PPT2: variants seen among roughly 807,000 people sequenced by gnomAD.
The protein encoded by PPT2 is palmitoyl-protein thioesterase 2, also known as lysosomal thioesterase PPT2.
A neutral mutation model predicts 37.3 loss-of-function variants in PPT2; 20 were observed. The ratio of observed to expected loss-of-function variants is 0.54; its 90% CI spans 0.38 to 0.78. The LOEUF (loss-of-function observed/expected upper bound fraction) is 0.78, where lower values mean the gene tolerates loss of function less well. Among genes scored for constraint, PPT2 ranks in the 30% least tolerant of loss-of-function variants. The probability of loss-of-function intolerance (pLI) is 0.00; values close to 1 mark genes in which losing one functional copy is unlikely to be tolerated. For synonymous variants in PPT2, 135 were observed against 159.1 expected, an observed-to-expected ratio of 0.85 and a Z score of 1.14; for missense variants, 270 against 389.8, an observed-to-expected ratio of 0.69 and a Z score of 2.59.
At chr6:32,158,057 C>A in intron 7 of PPT2, 133 bp downstream of exon 7, 1 of 775,436 alleles carries the variant, frequency 1.3e-6, no homozygotes, top group Non-Finnish European at 2.0e-6. Context: ...CATCATGTCA[C>A]CCAAGACCAA....
intron 7 of PPT2, among the ~76,000 whole-genome samples, chr6:32,159,527 T>A (rs1011555475): frequency 5.3e-5 from 8 of 149,930 alleles, no homozygotes; most frequent in Admixed American, 3.3e-4. Context: ...TTTTTTTTTT[T>A]AAATTCTGAG....
chr6:32,162,614 G>C lies in PPT2; in HGVS notation c.757G>C (p.Glu253Gln). 6.2e-7 allele frequency: 1 copy of C among 1,609,032 alleles called. No homozygotes were observed. The highest frequency in any genetic ancestry group is 1.3e-5 in the African/African-American group (1 of 74,896). Residue 253 changes from glutamate (E) to glutamine (Q), a missense_variant, in exon 8 of 9, where the codon GAG becomes CAG. Glu to Gln is a conservative substitution (Grantham distance 29). Coordinates refer to ENST00000324816, the MANE Select transcript of PPT2 (RefSeq NM_005155.7). This position sits in a 1 kb window ranked among gnomAD's most constrained non-coding sequence, Gnocchi z 5.5. Reference protein sequence around the residue: ...DANETVLEMEEQLVYLRDSFG... With the variant: ...DANETVLEMEQQLVYLRDSFG... Reference sequence around the variant, plus strand: ...AAATGAGACCGTCCTGGAGATGGAGGAGCAACTGGTGAGCCCCCTGGGATT... The same window carrying C: ...AAATGAGACCGTCCTGGAGATGGAGCAGCAACTGGTGAGCCCCCTGGGATT...
At position 32,154,751 on chromosome 6, in the gene PPT2, C is replaced by T; in HGVS notation, c.157C>T (p.Arg53Cys). 6.2e-7 allele frequency: 1 copy of T among 1,612,950 alleles called. No individual in the cohort carries two copies. Among genetic ancestry groups the T allele is most frequent in the Non-Finnish European group, 8.5e-7 (1 of 1,179,816 alleles). ...HGLFDSSYSF[R>C]HLLEYINETH... ...GCTCTTCGACAGCTCGTACAGCTTC[C>T]GCCACCTGCTGGAATACATCAATGA... Residue 53 changes from arginine (R) to cysteine (C), a missense_variant, in exon 2 of 9, where the codon CGC becomes TGC. Arg to Cys is a radical substitution (Grantham distance 180, BLOSUM62 -3). Coordinates refer to ENST00000324816, the MANE Select transcript of PPT2 (RefSeq NM_005155.7). This position sits in a 1 kb window ranked among gnomAD's most constrained non-coding sequence, Gnocchi z 7.3.
rs771831807 is a variant in PPT2, at chr6:32,155,667, A to G, written c.338-21A>G. ...CTTTGCTGTCCTTAAGTGCCTGCCC[A>G]ATGTGGTGTTCTGCTTACAGGGGGC... On this transcript the variant is annotated intron_variant, in intron 3 of 8. Coordinates refer to ENST00000324816, the MANE Select transcript of PPT2 (RefSeq NM_005155.7). This position sits in a 1 kb window ranked among gnomAD's most constrained non-coding sequence, Gnocchi z 4.3. 6.2e-7 allele frequency: 1 copy of G among 1,607,058 alleles called. No individual in the cohort carries two copies. Among genetic ancestry groups the G allele is most frequent in the Non-Finnish European group, 8.5e-7 (1 of 1,175,046 alleles).
chr6:32,157,708 C>T lies in PPT2; in HGVS notation c.613C>T (p.Pro205Ser). Residue 205 changes from proline to serine, a missense_variant, in exon 6 of 9, where the codon CCC becomes TCC. Coordinates refer to ENST00000324816, the MANE Select transcript of PPT2 (RefSeq NM_005155.7). Reference sequence around the variant, plus strand: ...CCTGATCAATGGGGAAAGAGACCATCCCAATGCCACAGGTGAGAATTCAGG... The same window carrying T: ...CCTGATCAATGGGGAAAGAGACCATTCCAATGCCACAGGTGAGAATTCAGG... ...LALINGERDH[P>S]NATVWRKNFL... 1.3e-6 allele frequency: 2 copies of T among 1,594,056 alleles called. No individual in the cohort carries two copies. Among genetic ancestry groups the T allele is most frequent in the Non-Finnish European group, 1.7e-6 (2 of 1,162,590 alleles).
At chr6:32,157,449 G>A in intron 5 of PPT2, 188 bp from the exon 6 acceptor site, 1 of 608,638 alleles carries the variant, frequency 1.6e-6, no homozygotes, top group Non-Finnish European at 2.9e-6. Flanking sequence ...CCGACTTCAA[G>A]TGATCCACCT....
Position 32,154,538 on chromosome 6 carries a change from A to G in PPT2, c.-8-49A>G, listed in dbSNP as rs1783596941. Reference sequence around the variant, plus strand: ...GATTGCCGGGCGTCTGTTCCGAGGGAGGAGGGTGTTGCCATCTCCCTCACA... The same window carrying G: ...GATTGCCGGGCGTCTGTTCCGAGGGGGGAGGGTGTTGCCATCTCCCTCACA... On this transcript the variant is annotated intron_variant, in intron 1 of 8. Coordinates refer to ENST00000324816, the MANE Select transcript of PPT2 (RefSeq NM_005155.7). This position sits in a 1 kb window ranked among gnomAD's most constrained non-coding sequence, Gnocchi z 7.3. The G allele has an allele frequency of 1.9e-6, 3 of 1,554,522 alleles. No homozygotes were observed. The highest frequency in any genetic ancestry group is 2.6e-6 in the Non-Finnish European group (3 of 1,144,506).
rs978377236 is a variant in PPT2, at chr6:32,155,333, C to T, written c.337+150C>T. 4 of 931,532 alleles carry T rather than the reference C, an allele frequency of 4.3e-6. No individual in the cohort carries two copies. The highest frequency in any genetic ancestry group is 6.4e-6 in the Non-Finnish European group (4 of 622,470). The allele number at this position is 931,532 out of a possible 1,614,324, so 57.7% of individuals were successfully genotyped here. Reference sequence around the variant, plus strand: ...CCTTCCTTTCTGACTTCCCTCAGCACCTGGGTCTCATCTCTGTCTTGAATG... The same window carrying T: ...CCTTCCTTTCTGACTTCCCTCAGCATCTGGGTCTCATCTCTGTCTTGAATG... On this transcript the variant is annotated intron_variant, in intron 3 of 8. Coordinates refer to ENST00000324816, the MANE Select transcript of PPT2 (RefSeq NM_005155.7). This position sits in a 1 kb window ranked among gnomAD's most constrained non-coding sequence, Gnocchi z 4.3.
Position 32,162,647 on chromosome 6 carries a change from C to T in PPT2, c.765+25C>T, listed in dbSNP as rs1784237701. 7 of 1,589,866 alleles carry T rather than the reference C, an allele frequency of 4.4e-6. No individual in the cohort carries two copies. The highest frequency in any genetic ancestry group is 5.2e-6 in the Non-Finnish European group (6 of 1,157,950). ...GGTGAGCCCCCTGGGATTACTTCCC[C>T]TTCTAGCCGCTGTCCCACCTTATTC... On this transcript the variant is annotated intron_variant, in intron 8 of 8. Coordinates refer to ENST00000324816, the MANE Select transcript of PPT2 (RefSeq NM_005155.7). The surrounding 1 kb of genome is among the most constrained non-coding windows in gnomAD (Gnocchi z 5.5).
In PPT2 at chr6:32,163,146, T is replaced by G; in HGVS notation, c.*196T>G. On this transcript the variant is annotated 3_prime_UTR_variant, in exon 9 of 9. Transcript: ENST00000324816. ...TCCTCTGCTCCTCCATGAATGACAA[T>G]TCCAGGCCTCCCCTACCTCATGTCC... 3.3e-6 allele frequency: 2 copies of G among 611,178 alleles called. No homozygotes were observed. The highest frequency in any genetic ancestry group is 5.6e-6 in the Non-Finnish European group (2 of 356,696). The allele number at this position is 611,178 out of a possible 1,614,324, so 37.9% of individuals were successfully genotyped here.
rs897857736 is a variant in PPT2 at position 32,157,352 on chromosome 6, A to T, written c.542-285A>T. The T allele has an allele frequency of 2.5e-5, 12 of 484,264 alleles. No homozygotes were observed. The South Asian group carries it at 2.7e-4, about 11-fold the overall frequency. The allele number at this position is 484,264 out of a possible 1,614,324, so 30.0% of individuals were successfully genotyped here. A position where few individuals can be genotyped will look rare whatever the true frequency, so the allele number is the denominator to read the frequency against. The stretch of plus-strand genomic sequence containing the variant: ...TCCAGCGCCCCGAGTAACTGGGATT[A>T]CAGGCATGCACCACCACGCCTGGCT... On this transcript the variant is annotated intron_variant, in intron 5 of 8. Coordinates refer to ENST00000324816, the MANE Select transcript of PPT2 (RefSeq NM_005155.7).
chr6:32,157,311 C>T (rs1582613986), intron 5 of PPT2: 1 of 410,388 alleles, frequency 2.4e-6, no homozygotes, highest in East Asian at 4.7e-5. Flanking sequence ...ACCTCCACCT[C>T]CTGGGTTCAA....
chr6:32,159,872 C>G (rs947631135), intron 7 of PPT2, among the ~76,000 whole-genome samples: 7 of 151,814 alleles, frequency 4.6e-5, no homozygotes, highest in African/African-American at 1.7e-4. Context: ...AGGTGCCCAC[C>G]ACCATGCCTG....
In PPT2 at chr6:32,156,797, A is replaced by G. The variant is rs1232744834; in HGVS notation, c.541+819A>G. On this transcript the variant is annotated intron_variant, in intron 5 of 8. Coordinates refer to ENST00000324816, the MANE Select transcript of PPT2 (RefSeq NM_005155.7). The surrounding 1 kb of genome is among the most constrained non-coding windows in gnomAD (Gnocchi z 4.9). The stretch of plus-strand genomic sequence containing the variant: ...TTATCTGTAAAATATTATAGCATGT[A>G]CTTCACCAGGTGGTTGTAAGGATTA... 6.6e-6 allele frequency among the ~76,000 whole-genome samples: 1 copy of G among 152,142 alleles called. No homozygotes were observed. The highest frequency in any genetic ancestry group is 1.5e-5 in the Non-Finnish European group (1 of 68,032).
At position 32,155,194 on chromosome 6, in the gene PPT2, C is replaced by A; in HGVS notation, c.337+11C>A. On this transcript the variant is annotated intron_variant, in intron 3 of 8. Transcript: ENST00000324816. The surrounding 1 kb of genome is among the most constrained non-coding windows in gnomAD (Gnocchi z 4.3). ...TCTGCTACTCGCAGGGTAGGCGACT[C>A]CCCTGCCCCTAACTCCTAAGCCCTA... The A allele has an allele frequency of 1.2e-6, 2 of 1,612,716 alleles. No homozygotes were observed. Among genetic ancestry groups the A allele is most frequent in the Non-Finnish European group, 1.7e-6 (2 of 1,179,688 alleles).
Position 32,155,713 on chromosome 6 carries a change from T to C in PPT2, c.363T>C (p.Leu121=), listed in dbSNP as rs1460419705. 6.2e-7 allele frequency: 1 copy of C among 1,613,976 alleles called. No individual in the cohort carries two copies. Among genetic ancestry groups the C allele is most frequent in the Admixed American group, 1.7e-5 (1 of 59,982 alleles). ...GGGGCCTTGTGTGCCGGGCTCTGCTTTCTGTCATGGATGATCACAACGTGG... is the reference window on the plus strand; with the variant it reads ...GGGGCCTTGTGTGCCGGGCTCTGCTCTCTGTCATGGATGATCACAACGTGG... ...SQGGLVCRAL[L]SVMDDHNVDS... Residue 121 remains leucine, a synonymous_variant, in exon 4 of 9, where the codon CTT becomes CTC. Transcript: ENST00000324816. The surrounding 1 kb of genome is among the most constrained non-coding windows in gnomAD (Gnocchi z 4.3).
chr6:32,162,911 T>A lies in PPT2; in HGVS notation c.870T>A (p.Arg290=). ...GISHTAWHSN[R]TLYETCIEPW... ...CCCACACAGCCTGGCACTCCAACCG[T>A]ACCCTTTATGAGACCTGCATTGAAC... is the stretch of plus-strand genomic sequence containing the variant. The change falls in exon 9 of 9, where the codon CGT becomes CGA. Residue 290 remains arginine (R), a synonymous_variant. Coordinates refer to ENST00000324816, the MANE Select transcript of PPT2 (RefSeq NM_005155.7). The surrounding 1 kb of genome is among the most constrained non-coding windows in gnomAD (Gnocchi z 5.5). 1 of 1,614,126 alleles carries A rather than the reference T, an allele frequency of 6.2e-7. No individual in the cohort carries two copies. Among genetic ancestry groups the A allele is most frequent in the Non-Finnish European group, 8.5e-7 (1 of 1,179,992 alleles).
chr6:32,162,726 T>C lies in PPT2; in HGVS notation c.766-81T>C. ...AAGGGTTCACCCTGTGGGGAGGAGG[T>C]CCAGGATCCCAGCAGTAACTCACTT... is the stretch of plus-strand genomic sequence containing the variant. On this transcript the variant is annotated intron_variant, in intron 8 of 8. Transcript: ENST00000324816. This position sits in a 1 kb window ranked among gnomAD's most constrained non-coding sequence, Gnocchi z 5.5. 6.3e-7 allele frequency: 1 copy of C among 1,585,790 alleles called. No individual in the cohort carries two copies. The highest frequency in any genetic ancestry group is 8.7e-7 in the Non-Finnish European group (1 of 1,155,116).
chr6:32,159,693 C>G (rs13212200), intron 7 of PPT2, among the ~76,000 whole-genome samples: 6,163 of 151,138 alleles, frequency 0.041, 195 homozygotes, highest in Middle Eastern at 0.14. Flanking sequence ...GGTTATATAA[C>G]ATTTTTCATG....
Sources: gnomAD v4.1 joint callset for allele counts (sites outside exome capture counted in the v4.1 genomes callset) on GRCh38, gnomAD v4.1.1 for gene constraint, Gnocchi (gnomAD v3.1) non-coding constraint, MANE v1.5 for transcripts, NCBI Gene and HGNC (gene_info 2026-07-23, HGNC 2026-07-21) for gene names.